The following ATG16L2 variants were observed in gnomAD, a reference collection of about 807,000 sequenced individuals.
The protein encoded by ATG16L2 is autophagy related 16 like 2.
Under a neutral mutation model 84.7 loss-of-function variants are expected in ATG16L2, and 77 were observed. The ratio of observed to expected loss-of-function variants is 0.91; its 90% CI spans 0.76 to 1.10. ATG16L2 has a LOEUF of 1.10. Ranked by LOEUF, ATG16L2 falls within the 50% of genes least tolerant of loss-of-function variation. The pLI, the probability that ATG16L2 is intolerant of heterozygous loss-of-function variation, is 0.00. For synonymous variants in ATG16L2, 361 were observed against 342.8 expected, an observed-to-expected ratio of 1.05 and a Z score of -0.59; for missense variants, 782 against 817.6, an observed-to-expected ratio of 0.96 and a Z score of 0.53.
chr11:72,828,348 T>C lies in ATG16L2; in HGVS notation c.1473-11T>C. 1.2e-6 allele frequency: 2 copies of C among 1,613,976 alleles called. No individual in the cohort carries two copies. Among genetic ancestry groups the C allele is most frequent in the Non-Finnish European group, 1.7e-6 (2 of 1,179,922 alleles). ...CTGTTCCTCATCCCTGTCTCTGTCC[T>C]TGTTCCTCAGGGGGCCCCACTGCAC... On this transcript the variant is annotated splice_polypyrimidine_tract_variant and intron_variant, in intron 14 of 17. Coordinates refer to ENST00000321297, the MANE Select transcript of ATG16L2 (RefSeq NM_033388.2).
Position 72,822,343 on chromosome 11 carries a change from A to G in ATG16L2, c.644+48A>G. On this transcript the variant is annotated intron_variant, in intron 5 of 17. Transcript: ENST00000321297. The surrounding 1 kb of genome is among the most constrained non-coding windows in gnomAD (Gnocchi z 4.2). The stretch of plus-strand genomic sequence containing the variant: ...TCCTGAGGAAAGGCCCCGCCCCTGC[A>G]GGGAGGAGTCGGGCCTCGCCGGTGT... The G allele has an allele frequency of 4.5e-6, 7 of 1,542,734 alleles. No individual in the cohort carries two copies. Among genetic ancestry groups the G allele is most frequent in the Non-Finnish European group, 6.1e-6 (7 of 1,146,462 alleles).
chr11:72,824,345 A>G (rs984287352), intron 8 of ATG16L2: 2 of 597,674 alleles, frequency 3.3e-6, no homozygotes, highest in Admixed American at 3.0e-5. Flanking sequence ...TCTTCATCCA[A>G]GGTCGTCACA....
intron 5 of ATG16L2, chr11:72,838,087 C>G (rs932836969): frequency 6.6e-6 from 1 of 152,210 alleles, no homozygotes; most frequent in Non-Finnish European, 1.5e-5. Flanking sequence ...ATGTGATGAA[C>G]AAGATGTGGC....
chr11:72,828,823 A>G (rs1442737865), intron 16 of ATG16L2, 47 bp downstream of exon 16: 3 of 1,613,690 alleles, frequency 1.9e-6, no homozygotes, highest in Non-Finnish European at 2.5e-6. Flanking sequence ...GCCCTGCCGG[A>G]CCCTGTGTGT....
At position 72,838,568 on chromosome 11, in the gene ATG16L2, G is replaced by T. The variant is rs1361310921; in HGVS notation, c.*22-4049G>T. The T allele has an allele frequency of 7.0e-6, 4 of 572,734 alleles. No homozygotes were observed. In the Admixed American group the frequency reaches 9.0e-5, roughly 13 times the overall value. 35.5% of individuals were successfully genotyped at this position (572,734 alleles called of 1,614,324 possible). On this transcript the variant is annotated intron_variant, in intron 5 of 5. Transcript: ENST00000534905. The stretch of plus-strand genomic sequence containing the variant: ...TTGCTCCTAGGGTCCGCTAGGATTT[G>T]TGCTATGGTAGGAGAAATGACATAG...
chr11:72,836,258 CT>C (rs917335527), intron 5 of ATG16L2, among the ~76,000 whole-genome samples: 5 of 152,226 alleles, frequency 3.3e-5, no homozygotes, highest in Non-Finnish European at 7.4e-5. Flanking sequence ...CCATCCACCC[CT>C]GGGACCGAGA....
chr11:72,836,401 C>A (rs899742253), intron 5 of ATG16L2, among the ~76,000 whole-genome samples: 1 of 152,224 alleles, frequency 6.6e-6, no homozygotes, highest in African/African-American at 2.4e-5. Flanking sequence ...TTCCTCTCAC[C>A]CCTCCAGCAG....
chr11:72,820,582 A>C (rs963361236), intron 3 of ATG16L2, among the ~76,000 whole-genome samples: 6 of 152,248 alleles, frequency 3.9e-5, no homozygotes, highest in African/African-American at 1.4e-4. Flanking sequence ...CTATGAATAA[A>C]GGTGCCCCAA....
intron 5 of ATG16L2, among the ~76,000 whole-genome samples, chr11:72,836,391 T>C (rs1860728115): frequency 6.6e-6 from 1 of 152,218 alleles, no homozygotes; most frequent in Non-Finnish European, 1.5e-5. Flanking sequence ...TTCAGTGACC[T>C]TCCTCTCACC....
At chr11:72,823,468 T>G in intron 7 of ATG16L2, 2 of 362,956 alleles carry the variant, frequency 5.5e-6, no homozygotes, top group Non-Finnish European at 1.1e-5. Flanking sequence ...CAGGGTCTCC[T>G]CCATCCTTCT....
At chr11:72,833,587 C>T (rs1860652664), downstream of ATG16L2, among the ~76,000 whole-genome samples, 2 of 152,176 alleles carry the variant, frequency 1.3e-5, no homozygotes, top group Admixed American at 6.5e-5. Context: ...GCTGTGAGCC[C>T]TGTCCCTGGG....
intron 14 of ATG16L2, among the ~76,000 whole-genome samples, chr11:72,827,934 C>T (rs1261452470): frequency 6.6e-6 from 1 of 152,130 alleles, no homozygotes; most frequent in Non-Finnish European, 1.5e-5. Context: ...TGTCTCAAAA[C>T]AAAAACAAAA....
At chr11:72,840,093 C>T (rs373855802) in intron 5 of ATG16L2, among the ~76,000 whole-genome samples, 52 of 152,324 alleles carry the variant, frequency 3.4e-4, no homozygotes, top group African/African-American at 1.2e-3. Flanking sequence ...GCTCCAGCCT[C>T]CTAATCGCTC....
chr11:72,838,919 C>T (rs775461391), intron 5 of ATG16L2: 3 of 1,519,290 alleles, frequency 2.0e-6, no homozygotes, highest in Non-Finnish European at 1.8e-6. Flanking sequence ...GTTCCTGACT[C>T]AGTATCTGAA....
intron 7 of ATG16L2, 148 bp from the exon 8 acceptor site, chr11:72,823,912 G>A: frequency 1.1e-6 from 1 of 880,560 alleles, no homozygotes; most frequent in South Asian, 1.3e-5. Flanking sequence ...GGTCACCCTG[G>A]TCTCCTGATC....
At chr11:72,819,226 C>G (rs1350756426) in intron 3 of ATG16L2, among the ~76,000 whole-genome samples, 1 of 152,144 alleles carries the variant, frequency 6.6e-6, no homozygotes, top group Admixed American at 6.5e-5. Flanking sequence ...CTGACTCTTC[C>G]CAGCCCTCCA....
At chr11:72,843,431 AT>A in exon 6 of ATG16L2, 1 of 1,607,910 alleles carries the variant, frequency 6.2e-7, no homozygotes, top group African/African-American at 1.3e-5. Flanking sequence ...AAAGGGCGAT[AT>A]GAGCAAAGGA....
Position 72,825,324 on chromosome 11 carries a change from A to G in ATG16L2, c.1019A>G (p.Asn340Ser), listed in dbSNP as rs201429666. ...CAGGATGCCCACCTCTCTGAGGTCA[A>G]TGCTGTTCGTTTTGGCCCCAACAGC... The part of the protein sequence containing the change: ...DVLDAHLSEV[N>S]AVRFGPNSSL... The change falls in exon 10 of 18, where the codon AAT (asparagine) becomes AGT (serine). Residue 340 changes from asparagine (N) to serine (S), a missense_variant. Transcript: ENST00000321297. 39 of 1,613,544 alleles carry G rather than the reference A, an allele frequency of 2.4e-5. No homozygotes were observed. The highest frequency in any genetic ancestry group is 1.5e-4 in the South Asian group (14 of 91,058).
In ATG16L2 at chr11:72,822,313, GC is replaced by G; in HGVS notation, c.644+22del. ...CGGGAGCGGTGAGGGAGCAGGCCCC[GC>G]CCCTCCTGAGGAAAGGCCCCGCCCC... On this transcript the variant is annotated intron_variant, in intron 5 of 17. Coordinates refer to ENST00000321297, the MANE Select transcript of ATG16L2 (RefSeq NM_033388.2). The surrounding 1 kb of genome is among the most constrained non-coding windows in gnomAD (Gnocchi z 4.2). 6.6e-7 allele frequency: 1 copy of G among 1,520,278 alleles called. No homozygotes were observed. The highest frequency in any genetic ancestry group is 8.8e-7 in the Non-Finnish European group (1 of 1,140,356). The allele number at this position is 1,520,278 out of a possible 1,614,324, so 94.2% of individuals were successfully genotyped here.
Sources: gnomAD v4.1 joint callset for allele counts (sites outside exome capture counted in the v4.1 genomes callset) on GRCh38, gnomAD v4.1.1 for gene constraint, Gnocchi (gnomAD v3.1) non-coding constraint, MANE v1.5 for transcripts, NCBI Gene and HGNC (gene_info 2026-07-23, HGNC 2026-07-21) for gene names.